The following SMIM10L3 variants were observed in gnomAD, a reference collection of about 807,000 sequenced individuals.
SMIM10L3 encodes the protein salivary gland specific protein SAGSIN1.
At chr7:6,344,478 A>G in the SMIM10L3 span, among the ~76,000 whole-genome samples, 10 of 152,022 alleles carry the variant, frequency 6.6e-5, no homozygotes, top group Admixed American at 2.0e-4. Flanking sequence ...CCTGGAGTAC[A>G]GTGGTACAAT....
the SMIM10L3 span, among the ~76,000 whole-genome samples, chr7:6,336,127 A>C: frequency 6.6e-6 from 1 of 150,912 alleles, no homozygotes; most frequent in South Asian, 2.1e-4. Flanking sequence ...AAGCCAAGAT[A>C]GCACCACTGC....
chr7:6,345,997 G>C, the SMIM10L3 span, among the ~76,000 whole-genome samples: 1 of 152,078 alleles, frequency 6.6e-6, no homozygotes, highest in African/African-American at 2.4e-5. Flanking sequence ...TTAAACTCCT[G>C]ACCTCAAGTG....
the SMIM10L3 span, among the ~76,000 whole-genome samples, chr7:6,343,487 A>G: frequency 1.3e-5 from 2 of 148,316 alleles, no homozygotes; most frequent in Non-Finnish European, 3.0e-5. Flanking sequence ...CACAGGCCAT[A>G]TAACTGAAAA....
At chr7:6,334,065 A>C in the SMIM10L3 span, among the ~76,000 whole-genome samples, 1 of 150,580 alleles carries the variant, frequency 6.6e-6, no homozygotes, top group East Asian at 2.0e-4. Context: ...CCAGGATGGA[A>C]TCTATCTCCT....
At chr7:6,339,234 G>A in the SMIM10L3 span, among the ~76,000 whole-genome samples, 7 of 152,114 alleles carry the variant, frequency 4.6e-5, no homozygotes, top group African/African-American at 1.2e-4. Flanking sequence ...TTGGGAGGCC[G>A]AGGTGGGGAG....
At chr7:6,330,138 T>G in the SMIM10L3 span, 1 of 534,706 alleles carries the variant, frequency 1.9e-6, no homozygotes, top group Non-Finnish European at 3.4e-6. Flanking sequence ...GATCGTCTCC[T>G]GAAATGTTTC....
the SMIM10L3 span, chr7:6,348,671 G>C: frequency 2.0e-6 from 1 of 501,070 alleles, no homozygotes; most frequent in East Asian, 3.4e-5. Flanking sequence ...AGCAGCGTGC[G>C]AGTCAGCCCC....
chr7:6,347,297 T>C, the SMIM10L3 span, among the ~76,000 whole-genome samples: 2 of 152,172 alleles, frequency 1.3e-5, no homozygotes, highest in African/African-American at 4.8e-5. Context: ...GGCAGATCAC[T>C]TGAAGTCAGG....
chr7:6,347,718 C>T, the SMIM10L3 span, among the ~76,000 whole-genome samples: 1 of 151,826 alleles, frequency 6.6e-6, no homozygotes, highest in African/African-American at 2.4e-5. Flanking sequence ...TTTATCAAAA[C>T]GCTGTTAACT....
the SMIM10L3 span, chr7:6,348,750 C>G: frequency 2.4e-6 from 1 of 408,914 alleles, no homozygotes; most frequent in African/African-American, 2.1e-5. Context: ...CCGACAGAGC[C>G]GCCGCCATAT....
the SMIM10L3 span, among the ~76,000 whole-genome samples, chr7:6,347,518 A>G: frequency 9.9e-5 from 8 of 80,938 alleles, no homozygotes; most frequent in African/African-American, 2.6e-4. Flanking sequence ...TGTCTCAGGG[A>G]AAAAAAAAAA....
the SMIM10L3 span, among the ~76,000 whole-genome samples, chr7:6,337,294 G>A: frequency 6.6e-6 from 1 of 151,882 alleles, no homozygotes; most frequent in East Asian, 1.9e-4. Context: ...CATTAATTTT[G>A]TATTTTGAGT....
At chr7:6,330,872 C>A in the SMIM10L3 span, 2 of 1,614,206 alleles carry the variant, frequency 1.2e-6, no homozygotes, top group South Asian at 1.1e-5. Context: ...GCTGCTGAGG[C>A]TGGATTTCTT....
the SMIM10L3 span, among the ~76,000 whole-genome samples, chr7:6,342,162 C>T: frequency 1.3e-5 from 2 of 152,140 alleles, no homozygotes; most frequent in African/African-American, 2.4e-5. Flanking sequence ...ACAGTCTCTT[C>T]TTAAAGCTTC....
chr7:6,339,212 A>G, the SMIM10L3 span, among the ~76,000 whole-genome samples: 2 of 152,224 alleles, frequency 1.3e-5, no homozygotes, highest in South Asian at 2.1e-4. Context: ...TCACACCTGT[A>G]ATCCCAGTAC....
the SMIM10L3 span, among the ~76,000 whole-genome samples, chr7:6,331,393 C>T: frequency 6.6e-6 from 1 of 152,220 alleles, no homozygotes; most frequent in Non-Finnish European, 1.5e-5. Context: ...GAACTCCTGA[C>T]CTCAGGTGAT....
the SMIM10L3 span, among the ~76,000 whole-genome samples, chr7:6,343,987 G>C: frequency 6.6e-6 from 1 of 152,080 alleles, no homozygotes; most frequent in Non-Finnish European, 1.5e-5. Context: ...CCAGGCACAG[G>C]TGATCCTCCC....
At chr7:6,337,213 A>C in the SMIM10L3 span, among the ~76,000 whole-genome samples, 2 of 152,216 alleles carry the variant, frequency 1.3e-5, no homozygotes, top group East Asian at 3.9e-4. Flanking sequence ...CTGAGACTAC[A>C]GGTGTATGCC....
chr7:6,340,654 C>T, the SMIM10L3 span, among the ~76,000 whole-genome samples: 2 of 152,030 alleles, frequency 1.3e-5, no homozygotes, highest in Admixed American at 1.3e-4. Context: ...ATTCCCAGCA[C>T]TTTGGGAGGC....
Sources: allele counts gnomAD v4.1 joint callset (sites outside exome capture counted in the v4.1 genomes callset), GRCh38; gene constraint gnomAD v4.1.1; transcripts MANE v1.5; gene names NCBI Gene and HGNC (gene_info 2026-07-23, HGNC 2026-07-21).